The following C8orf34 variants were observed in gnomAD, a reference collection of about 807,000 sequenced individuals.
C8orf34 encodes the protein chromosome 8 open reading frame 34, also known as uncharacterized protein C8orf34.
In C8orf34, 65 loss-of-function variants were observed where a neutral mutation model predicts 68.3. The ratio of observed to expected loss-of-function variants is 0.95; its 90% CI spans 0.78 to 1.17. The LOEUF is 1.17. Among genes scored for constraint, C8orf34 ranks in the 50% most tolerant of loss-of-function variants. The pLI, the probability that C8orf34 is intolerant of heterozygous loss-of-function variation, is 0.00. For synonymous variants in C8orf34, 244 were observed against 241.2 expected, an observed-to-expected ratio of 1.01 and a Z score of -0.11; for missense variants, 664 against 655.4, an observed-to-expected ratio of 1.01 and a Z score of -0.14.
At chr8:68,664,764 G>T (rs554082783) in intron 8 of C8orf34, among the ~76,000 whole-genome samples, 25 of 152,250 alleles carry the variant, frequency 1.6e-4, no homozygotes, top group African/African-American at 6.0e-4. Flanking sequence ...AGCACAGCAA[G>T]TCTGGCTGCA....
intron 1 of C8orf34, among the ~76,000 whole-genome samples, chr8:68,360,133 C>T (rs1806921817): frequency 6.6e-6 from 1 of 152,170 alleles, no homozygotes; most frequent in Non-Finnish European, 1.5e-5. Flanking sequence ...TCTTTTCTCT[C>T]CTTAAACAAA....
At chr8:68,665,816 G>C (rs62520966) in intron 8 of C8orf34, among the ~76,000 whole-genome samples, 1 of 144,798 alleles carries the variant, frequency 6.9e-6, no homozygotes, top group Non-Finnish European at 1.6e-5. Context: ...TCAAAGTATC[G>C]TCACTTATTA....
chr8:68,671,617 C>T (rs1051182377), intron 8 of C8orf34, among the ~76,000 whole-genome samples: 5 of 152,140 alleles, frequency 3.3e-5, no homozygotes, highest in African/African-American at 1.2e-4. Flanking sequence ...TTTACCTTAG[C>T]AATTGGTTTC....
chr8:68,502,496 G>T (rs1361891883), intron 5 of C8orf34, among the ~76,000 whole-genome samples: 1 of 152,056 alleles, frequency 6.6e-6, no homozygotes, highest in Non-Finnish European at 1.5e-5. Flanking sequence ...CCAATATAGT[G>T]AGTTATAGCA....
At chr8:68,338,832 TAGG>T (rs1238508568) in intron 1 of C8orf34, among the ~76,000 whole-genome samples, 14 of 152,144 alleles carry the variant, frequency 9.2e-5, no homozygotes, top group Admixed American at 9.2e-4. Flanking sequence ...GAACAGTGTA[TAGG>T]AGTTCCAGTT....
chr8:68,712,031 T>G (rs1821342753), intron 9 of C8orf34, among the ~76,000 whole-genome samples: 1 of 152,194 alleles, frequency 6.6e-6, no homozygotes, highest in African/African-American at 2.4e-5. Flanking sequence ...GGACCCATTT[T>G]TAGCCTCCTT....
intron 1 of C8orf34, among the ~76,000 whole-genome samples, chr8:68,431,254 C>T (rs1810439709): frequency 6.6e-6 from 1 of 152,146 alleles, no homozygotes; most frequent in African/African-American, 2.4e-5. Flanking sequence ...ATTATTCTGT[C>T]ATTCTGAGCA....
At chr8:68,687,505 A>G (rs955299175) in intron 8 of C8orf34, among the ~76,000 whole-genome samples, 1 of 152,098 alleles carries the variant, frequency 6.6e-6, no homozygotes, top group African/African-American at 2.4e-5. Flanking sequence ...AAAACCATAA[A>G]TTAGGGAAAG....
chr8:68,528,568 T>C (rs1490210353), intron 6 of C8orf34, among the ~76,000 whole-genome samples: 2 of 152,198 alleles, frequency 1.3e-5, no homozygotes, highest in Non-Finnish European at 2.9e-5. Flanking sequence ...TTACATCTAA[T>C]TGTTTCCCTA....
chr8:68,667,427 A>G (rs1299658497), intron 8 of C8orf34, among the ~76,000 whole-genome samples: 5 of 152,166 alleles, frequency 3.3e-5, no homozygotes, highest in Non-Finnish European at 7.4e-5. Context: ...TTATTATCTC[A>G]GTGGCTACAG....
chr8:68,471,353 T>C (rs1812370019), intron 4 of C8orf34, among the ~76,000 whole-genome samples: 1 of 152,150 alleles, frequency 6.6e-6, no homozygotes, highest in South Asian at 2.1e-4. Context: ...AGCTTTATTA[T>C]TGAATTGTCT....
At chr8:68,465,814 G>C (rs995164245) in intron 3 of C8orf34, among the ~76,000 whole-genome samples, 10 of 151,694 alleles carry the variant, frequency 6.6e-5, no homozygotes, top group Admixed American at 5.9e-4. Flanking sequence ...GGTGGGGGCA[G>C]GGGGGAGGGA....
intron 8 of C8orf34, among the ~76,000 whole-genome samples, chr8:68,703,787 C>A (rs1821086093): frequency 6.6e-6 from 1 of 151,998 alleles, no homozygotes; most frequent in South Asian, 2.1e-4. Flanking sequence ...TTCCTCCTTT[C>A]ATGTTTTATA....
chr8:68,639,614 G>A (rs953032386), intron 7 of C8orf34, among the ~76,000 whole-genome samples: 4 of 152,072 alleles, frequency 2.6e-5, no homozygotes, highest in Admixed American at 1.3e-4. Flanking sequence ...TATCTTTAGT[G>A]CTAAAGCTGA....
At chr8:68,647,124 G>T (rs1819200530) in intron 8 of C8orf34, among the ~76,000 whole-genome samples, 1 of 152,128 alleles carries the variant, frequency 6.6e-6, no homozygotes, top group Admixed American at 6.5e-5. Context: ...ATTTAAAAAT[G>T]GGCAAAGGAT....
At chr8:68,617,979 C>T (rs990579600) in intron 7 of C8orf34, among the ~76,000 whole-genome samples, 13 of 152,072 alleles carry the variant, frequency 8.5e-5, no homozygotes, top group African/African-American at 2.4e-4. Flanking sequence ...AGGCTTTGTT[C>T]GTTTCTTTTT....
At chr8:68,808,329 A>C (rs1824544507) in intron 12 of C8orf34, among the ~76,000 whole-genome samples, 1 of 152,140 alleles carries the variant, frequency 6.6e-6, no homozygotes, top group African/African-American at 2.4e-5. Context: ...AAATATTCAG[A>C]TTATTGCATT....
intron 1 of C8orf34, among the ~76,000 whole-genome samples, chr8:68,377,422 G>A (rs535560447): frequency 7.1e-6 from 1 of 141,472 alleles, no homozygotes; most frequent in Admixed American, 7.1e-5. Flanking sequence ...AGAAGGAGAA[G>A]GAAGAAAAAA....
chr8:68,554,273 A>G (rs576677246), intron 7 of C8orf34, among the ~76,000 whole-genome samples: 1 of 152,278 alleles, frequency 6.6e-6, no homozygotes, highest in Non-Finnish European at 1.5e-5. Context: ...TAAAGCAGCC[A>G]TTTATTAATG....
Sources: gnomAD v4.1 joint callset for allele counts (sites outside exome capture counted in the v4.1 genomes callset) on GRCh38, gnomAD v4.1.1 for gene constraint, MANE v1.5 for transcripts, NCBI Gene and HGNC (gene_info 2026-07-23, HGNC 2026-07-21) for gene names.